The following DPP4 variants were observed in gnomAD, a reference collection of about 807,000 sequenced individuals.
The protein encoded by DPP4 is dipeptidyl peptidase 4.
DPP4 carries 93 observed loss-of-function variants against 122.4 expected under a neutral mutation model. The observed-to-expected ratio is 0.76, with a 90% CI of 0.64 to 0.90. The LOEUF is 0.90. Among genes scored for constraint, DPP4 ranks in the 40% least tolerant of loss-of-function variants. The pLI is 0.00. For missense variants in DPP4, 914 were observed against 907.3 expected (o/e 1.01, Z -0.09); for synonymous variants, 321 against 302.9 (o/e 1.06, Z -0.62).
chr2:162,024,712 A>C (rs1179938694), intron 11 of DPP4, 92 bp downstream of exon 11: 4 of 1,490,224 alleles, frequency 2.7e-6, no homozygotes. Flanking sequence ...CTCAAACTTC[A>C]TTTCCTGATT....
chr2:162,035,406 T>A, intron 8 of DPP4, 82 bp from the exon 9 acceptor site: 1 of 1,330,714 alleles, frequency 7.5e-7, no homozygotes, highest in Non-Finnish European at 1.0e-6. Flanking sequence ...TCTCATTAGC[T>A]TTAGTAATTA....
chr2:162,027,340 C>T (rs1269588964), intron 10 of DPP4, among the ~76,000 whole-genome samples: 1 of 150,288 alleles, frequency 6.7e-6, no homozygotes, highest in Non-Finnish European at 1.5e-5. Context: ...GAGAGTGAGA[C>T]TCGGTCTCAA....
chr2:162,064,823 A>G (rs1431602247), intron 2 of DPP4, among the ~76,000 whole-genome samples: 1 of 152,240 alleles, frequency 6.6e-6, no homozygotes, highest in East Asian at 1.9e-4. Flanking sequence ...AACAAAGCAC[A>G]CTGATTTGCA....
chr2:162,010,184 G>C (rs1682635298), intron 20 of DPP4, among the ~76,000 whole-genome samples: 1 of 152,244 alleles, frequency 6.6e-6, no homozygotes, highest in South Asian at 2.1e-4. Flanking sequence ...AAAATTGAAG[G>C]AGGCAGACAT....
In DPP4 at chr2:162,017,295, T is replaced by C. The variant is rs954002424; in HGVS notation, c.1421-140A>G. ...ATATTATAATGCATAAGAAGTTTAATACATGTTAGCTGTTTCTCCTCCCCC... is the reference window on the plus strand; with the variant it reads ...ATATTATAATGCATAAGAAGTTTAACACATGTTAGCTGTTTCTCCTCCCCC... On this transcript the variant is annotated intron_variant, in intron 16 of 25. Transcript: ENST00000360534. 48 of 691,440 alleles carry C rather than the reference T, an allele frequency of 6.9e-5. 1 individual carries two copies. Among genetic ancestry groups the C allele is most frequent in the Non-Finnish European group, 1.1e-4 (45 of 418,822 alleles). 42.8% of individuals were successfully genotyped at this position (691,440 alleles called of 1,614,324 possible).
intron 10 of DPP4, among the ~76,000 whole-genome samples, chr2:162,031,568 A>C (rs73007398): frequency 0.013 from 2,022 of 152,208 alleles, 48 homozygotes; most frequent in African/African-American, 0.046. Context: ...CCTGGGAAGC[A>C]CTGACTTTTC....
chr2:162,047,637 A>G (rs563937607), intron 2 of DPP4, 136 bp from the exon 3 acceptor site: 3 of 526,184 alleles, frequency 5.7e-6, no homozygotes, highest in South Asian at 3.5e-5. Context: ...TGCAAGACAC[A>G]TTTTAAAAGA....
intron 23 of DPP4, 127 bp from the exon 24 acceptor site, chr2:161,995,499 T>C (rs1700978910): frequency 1.3e-6 from 1 of 759,834 alleles, no homozygotes; most frequent in Non-Finnish European, 2.2e-6. Flanking sequence ...AGCAAACCGA[T>C]ATTCAAGCAA....
At chr2:162,035,774 C>A (rs1683747858) in intron 8 of DPP4, among the ~76,000 whole-genome samples, 1 of 152,046 alleles carries the variant, frequency 6.6e-6, no homozygotes, top group African/African-American at 2.4e-5. Flanking sequence ...TCCAGGCTAT[C>A]AAACCAATAT....
rs1700901711 is a variant in DPP4, at chr2:161,992,987, T to C, written c.*296A>G. ...ATTAAAATCCTGCTCAGGGAATCTA[T>C]GCAAAGCCTCCATAAAAACAATTCC... On this transcript the variant is annotated 3_prime_UTR_variant, in exon 26 of 26. Transcript: ENST00000360534. 12 of 314,468 alleles carry C rather than the reference T, an allele frequency of 3.8e-5. No individual in the cohort carries two copies. The South Asian group carries it at 4.1e-4, about 11-fold the overall frequency. The allele number at this position is 314,468 out of a possible 1,614,324, so 19.5% of individuals were successfully genotyped here.
At chr2:162,072,272 T>A (rs536861451) in intron 2 of DPP4, among the ~76,000 whole-genome samples, 1 of 152,298 alleles carries the variant, frequency 6.6e-6, no homozygotes, top group African/African-American at 2.4e-5. Flanking sequence ...ACACAAAGAG[T>A]TGCTTTATGA....
At chr2:162,020,550 A>T (rs1683088544) in intron 13 of DPP4, 31 bp downstream of exon 13, 1 of 1,532,616 alleles carries the variant, frequency 6.5e-7, no homozygotes, top group Admixed American at 2.1e-5. Context: ...AAAAGAGGTC[A>T]ACATGAAATA....
intron 21 of DPP4, 34 bp downstream of exon 21, chr2:162,009,207 C>G: frequency 6.2e-7 from 1 of 1,603,532 alleles, no homozygotes; most frequent in Non-Finnish European, 8.5e-7. Flanking sequence ...TATTCACTAA[C>G]GAATGCATAC....
chr2:162,021,299 C>T lies in DPP4; in HGVS notation c.1069-611G>A, dbSNP rs375566621. On this transcript the variant is annotated intron_variant, in intron 12 of 25. Transcript: ENST00000360534. Reference sequence around the variant, plus strand: ...TTTTCATTTTGTTAAATATGATCAACAATTTACAAAAAATATTTGTATAGA... The same window carrying T: ...TTTTCATTTTGTTAAATATGATCAATAATTTACAAAAAATATTTGTATAGA... 8.5e-5 allele frequency among the ~76,000 whole-genome samples: 13 copies of T among 152,120 alleles called. No individual in the cohort carries two copies. The East Asian group carries it at 1.3e-3, about 16-fold the overall frequency.
At chr2:162,000,781 T>G (rs1701127543) in intron 23 of DPP4, among the ~76,000 whole-genome samples, 1 of 152,208 alleles carries the variant, frequency 6.6e-6, no homozygotes, top group South Asian at 2.1e-4. Context: ...CAGGCTGCCC[T>G]CTTCTCTTGG....
intron 2 of DPP4, among the ~76,000 whole-genome samples, chr2:162,048,754 G>A (rs1576064476): frequency 6.6e-6 from 1 of 152,056 alleles, no homozygotes; most frequent in Admixed American, 6.6e-5. Flanking sequence ...TACTCATTTC[G>A]CTCTTGTCAT....
chr2:161,993,739 A>T (rs1700923640), intron 25 of DPP4, among the ~76,000 whole-genome samples: 1 of 152,214 alleles, frequency 6.6e-6, no homozygotes, highest in South Asian at 2.1e-4. Flanking sequence ...CACAGCATGC[A>T]TGGGAAGGAA....
chr2:162,024,679 G>A lies in DPP4; in HGVS notation c.1023+125C>T, dbSNP rs1224910322. The A allele has an allele frequency of 3.1e-6, 4 of 1,310,850 alleles. No individual in the cohort carries two copies. In the African/African-American group the frequency reaches 5.9e-5, roughly 19 times the overall value. 81.2% of individuals were successfully genotyped at this position (1,310,850 alleles called of 1,614,324 possible). A position where few individuals can be genotyped will look rare whatever the true frequency, so the allele number is the denominator to read the frequency against. On this transcript the variant is annotated intron_variant, in intron 11 of 25. Coordinates refer to ENST00000360534, the MANE Select transcript of DPP4 (RefSeq NM_001935.4). ...TCAAGATTTTATTGCCTCAGGATCAGACAGAGTCAGAAAGAAGAGAAACTC... is the reference window on the plus strand; with the variant it reads ...TCAAGATTTTATTGCCTCAGGATCAAACAGAGTCAGAAAGAAGAGAAACTC...
intron 20 of DPP4, 46 bp from the exon 21 acceptor site, chr2:162,009,341 T>C (rs1559707249): frequency 2.6e-6 from 4 of 1,554,216 alleles, no homozygotes; most frequent in Admixed American, 3.3e-5. Context: ...GCATTGTGTA[T>C]AGAAAACTTA....
Sources: allele counts gnomAD v4.1 joint callset (sites outside exome capture counted in the v4.1 genomes callset), GRCh38; gene constraint gnomAD v4.1.1; transcripts MANE v1.5; gene names NCBI Gene and HGNC (gene_info 2026-07-23, HGNC 2026-07-21).